Variants in CDH13 observed in about 807,000 individuals in gnomAD.
The protein encoded by CDH13 is cadherin-13.
A neutral mutation model predicts 63.8 loss-of-function variants in CDH13; 24 were observed. That is an observed-to-expected ratio of 0.38 (90% confidence interval 0.27 to 0.53). The LOEUF is 0.53. Among genes scored for constraint, CDH13 ranks in the 20% least tolerant of loss-of-function variants. The pLI is 0.85. For missense variants in CDH13, 1,049 were observed against 903.1 expected, an observed-to-expected ratio of 1.16 and a Z score of -2.07; for synonymous variants, 503 against 355.3, an observed-to-expected ratio of 1.42 and a Z score of -4.67.
At chr16:83,111,984 G>T (rs989006845) in intron 3 of CDH13, among the ~76,000 whole-genome samples, 5 of 152,222 alleles carry the variant, frequency 3.3e-5, no homozygotes, top group Admixed American at 6.5e-5. Context: ...ATATCAATAT[G>T]TGCACAAATT....
chr16:83,046,790 T>A (rs964411594), intron 3 of CDH13, among the ~76,000 whole-genome samples: 1 of 152,218 alleles, frequency 6.6e-6, no homozygotes, highest in African/African-American at 2.4e-5. Context: ...ATTGTTGCTC[T>A]GACCCTGGTG....
chr16:83,172,976 A>T (rs1196114945), intron 4 of CDH13, among the ~76,000 whole-genome samples: 4 of 152,020 alleles, frequency 2.6e-5, no homozygotes, highest in African/African-American at 9.7e-5. Context: ...ACCTTAGTCT[A>T]CCGTTAACGT....
chr16:83,291,626 T>C (rs1225823767), intron 5 of CDH13, among the ~76,000 whole-genome samples: 1 of 152,128 alleles, frequency 6.6e-6, no homozygotes, highest in Non-Finnish European at 1.5e-5. Flanking sequence ...AAGATAGTTT[T>C]CTTGGTGGCC....
chr16:83,671,468 C>G (rs572481468), intron 9 of CDH13, among the ~76,000 whole-genome samples: 1 of 152,262 alleles, frequency 6.6e-6, no homozygotes, highest in African/African-American at 2.4e-5. Flanking sequence ...AGGCTTGTCT[C>G]AAACTCCTGG....
At chr16:83,305,535 TATC>T (rs765697529) in intron 5 of CDH13, among the ~76,000 whole-genome samples, 43 of 152,316 alleles carry the variant, frequency 2.8e-4, no homozygotes, top group Middle Eastern at 6.8e-3. Context: ...GTTGCGGTAT[TATC>T]ATAAGAAAAG....
chr16:82,759,924 G>A (rs750656638), intron 1 of CDH13, among the ~76,000 whole-genome samples: 7 of 151,992 alleles, frequency 4.6e-5, no homozygotes, highest in Non-Finnish European at 1.0e-4. Flanking sequence ...TAAAGGGAAA[G>A]CCTTATATTT....
At chr16:83,497,344 A>T (rs551719390) in intron 7 of CDH13, among the ~76,000 whole-genome samples, 85 of 152,232 alleles carry the variant, frequency 5.6e-4, no homozygotes, top group African/African-American at 1.9e-3. Context: ...AAAAAGGATG[A>T]GTTCATGTCG....
At chr16:83,395,039 T>C (rs1407062538) in intron 6 of CDH13, among the ~76,000 whole-genome samples, 22 of 151,786 alleles carry the variant, frequency 1.4e-4, no homozygotes. Context: ...TCCCAGGTAC[T>C]TGGGAGCCTG....
intron 10 of CDH13, among the ~76,000 whole-genome samples, chr16:83,701,823 C>A (rs1413771437): frequency 6.6e-6 from 1 of 152,202 alleles, no homozygotes; most frequent in Non-Finnish European, 1.5e-5. Context: ...CAGTTTGCTT[C>A]CTCTGCCCTC....
At chr16:83,486,389 G>T (rs553842224) in intron 6 of CDH13, 88 bp from the exon 7 acceptor site, 4 of 1,079,790 alleles carry the variant, frequency 3.7e-6, no homozygotes, top group African/African-American at 3.1e-5. Context: ...GCACACTGCT[G>T]CACTGCTATT....
chr16:83,157,738 T>TAA (rs58336254), intron 4 of CDH13, among the ~76,000 whole-genome samples: 57 of 99,434 alleles, frequency 5.7e-4, no homozygotes, highest in Non-Finnish European at 7.7e-4. Flanking sequence ...ACTAGAAATA[T>TAA]AAAAAAAAAA....
At chr16:83,578,812 C>T (rs553363922) in intron 7 of CDH13, among the ~76,000 whole-genome samples, 8 of 152,272 alleles carry the variant, frequency 5.3e-5, no homozygotes, top group East Asian at 1.9e-4. Context: ...GTCCACTATT[C>T]GGTGTCCTAT....
chr16:83,551,574 T>G (rs551454198), intron 7 of CDH13, among the ~76,000 whole-genome samples: 33 of 152,244 alleles, frequency 2.2e-4, no homozygotes, highest in Non-Finnish European at 4.4e-4. Flanking sequence ...ATTCTGCATC[T>G]TCTTGTTTCC....
chr16:83,659,785 C>G (rs1913270014), intron 8 of CDH13, among the ~76,000 whole-genome samples: 1 of 122,926 alleles, frequency 8.1e-6, no homozygotes, highest in African/African-American at 3.2e-5. Context: ...AGTCCACAAC[C>G]TTTTTTTTTT....
intron 4 of CDH13, among the ~76,000 whole-genome samples, chr16:83,170,994 C>A (rs1297749912): frequency 2.6e-5 from 4 of 151,800 alleles, no homozygotes; most frequent in Non-Finnish European, 5.9e-5. Context: ...ACCCGCCCGC[C>A]TCCTTTTTTT....
At chr16:83,163,873 C>T (rs2151715759) in intron 4 of CDH13, among the ~76,000 whole-genome samples, 1 of 152,194 alleles carries the variant, frequency 6.6e-6, no homozygotes, top group African/African-American at 2.4e-5. Context: ...CATATCCTAA[C>T]CCATCCTAAC....
At chr16:83,081,070 G>A (rs377110598) in intron 3 of CDH13, among the ~76,000 whole-genome samples, 122 of 151,528 alleles carry the variant, frequency 8.1e-4, no homozygotes, top group African/African-American at 2.6e-3. Flanking sequence ...TAGTACAGAC[G>A]GGGTTTCTCC....
intron 5 of CDH13, among the ~76,000 whole-genome samples, chr16:83,241,656 C>T (rs933158745): frequency 3.3e-5 from 5 of 152,158 alleles, no homozygotes; most frequent in African/African-American, 1.2e-4. Flanking sequence ...ATTCAGGCCC[C>T]TTGCCCATTT....
intron 6 of CDH13, among the ~76,000 whole-genome samples, chr16:83,383,440 C>A (rs977485013): frequency 4.6e-5 from 7 of 152,138 alleles, no homozygotes; most frequent in African/African-American, 1.7e-4. Flanking sequence ...ACTCACAAGC[C>A]TTGACTCACC....
Sources: gnomAD v4.1 joint callset for allele counts (sites outside exome capture counted in the v4.1 genomes callset) on GRCh38, gnomAD v4.1.1 for gene constraint, MANE v1.5 for transcripts, NCBI Gene and HGNC (gene_info 2026-07-23, HGNC 2026-07-21) for gene names.